The following SCN8A variants were observed in gnomAD, a reference collection of about 807,000 sequenced individuals.
The protein encoded by SCN8A is sodium channel protein type 8 subunit alpha.
A neutral mutation model predicts 184.1 loss-of-function variants in SCN8A; 30 were observed. The ratio of observed to expected loss-of-function variants is 0.16; its 90% CI spans 0.12 to 0.22. SCN8A has a LOEUF of 0.22. Among genes scored for constraint, SCN8A ranks in the 10% least tolerant of loss-of-function variants. The pLI is 1.00. For synonymous variants in SCN8A, 852 were observed against 907.0 expected (o/e 0.94, Z 1.09); for missense variants, 1,057 against 2,498.9 (o/e 0.42, Z 12.30).
intron 26 of SCN8A, among the ~76,000 whole-genome samples, chr12:51,804,330 T>A (rs1248907362): frequency 4.0e-5 from 6 of 151,630 alleles, no homozygotes; most frequent in Non-Finnish European, 4.4e-5. Context: ...CTCTTTTCTT[T>A]TTTTTTTTTT....
intron 1 of SCN8A, 129 bp from the exon 2 acceptor site, chr12:51,662,635 A>G (rs1940946420): frequency 4.9e-6 from 3 of 615,620 alleles, no homozygotes; most frequent in Non-Finnish European, 8.4e-6. Flanking sequence ...AAAAATAAGC[A>G]TGTCATGGAA....
intron 2 of SCN8A, among the ~76,000 whole-genome samples, chr12:51,679,396 T>C (rs956581052): frequency 6.6e-6 from 1 of 152,232 alleles, no homozygotes; most frequent in African/African-American, 2.4e-5. Context: ...AAGAGTAGTT[T>C]ACATTCTTAA....
chr12:51,794,269 A>G, intron 25 of SCN8A, 102 bp from the exon 26 acceptor site: 1 of 1,142,700 alleles, frequency 8.8e-7, no homozygotes, highest in African/African-American at 1.5e-5. Flanking sequence ...TATTACAGAA[A>G]AGGAGGGAGA....
intron 2 of SCN8A, among the ~76,000 whole-genome samples, chr12:51,677,056 GTTTTATTTTATTTTA>G (rs58540656): frequency 2.6e-3 from 352 of 133,170 alleles, no homozygotes; most frequent in African/African-American, 7.9e-3. Flanking sequence ...TTATTGTTTT[GTTTTATTTTATTTTA>G]TTTTATTTTA....
intron 12 of SCN8A, among the ~76,000 whole-genome samples, chr12:51,745,344 G>A (rs1942492914): frequency 1.3e-5 from 2 of 152,194 alleles, no homozygotes; most frequent in South Asian, 4.1e-4. Context: ...ATCTGGAGCA[G>A]ATCTTCAACT....
intron 2 of SCN8A, among the ~76,000 whole-genome samples, chr12:51,666,465 G>C (rs1458954858): frequency 1.3e-5 from 2 of 152,158 alleles, no homozygotes; most frequent in Non-Finnish European, 2.9e-5. Flanking sequence ...TCTTCTACAA[G>C]GAAGCACACT....
At chr12:51,790,342 C>A in intron 24 of SCN8A, 56 bp from the exon 25 acceptor site, 1 of 1,285,286 alleles carries the variant, frequency 7.8e-7, no homozygotes, top group Non-Finnish European at 1.1e-6. Context: ...TAGGTCCAAA[C>A]CCATAGCATG....
chr12:51,687,070 A>G, intron 4 of SCN8A, 21 bp from the exon 5 acceptor site: 1 of 1,612,738 alleles, frequency 6.2e-7, no homozygotes, highest in Non-Finnish European at 8.5e-7. Flanking sequence ...AATTACCTCA[A>G]GCTATTCATT....
intron 1 of SCN8A, among the ~76,000 whole-genome samples, chr12:51,637,110 G>A (rs1438854447): frequency 2.0e-5 from 3 of 151,922 alleles, no homozygotes; most frequent in Non-Finnish European, 4.4e-5. Flanking sequence ...TGTTACTATT[G>A]TAATTGTTCT....
intron 1 of SCN8A, among the ~76,000 whole-genome samples, chr12:51,605,255 C>A (rs1240315327): frequency 9.2e-5 from 14 of 152,022 alleles, no homozygotes. Flanking sequence ...AGTCTTTTAT[C>A]CCCTGCCTTC....
At chr12:51,770,943 C>T (rs1942916950) in intron 19 of SCN8A, among the ~76,000 whole-genome samples, 1 of 152,200 alleles carries the variant, frequency 6.6e-6, no homozygotes, top group Non-Finnish European at 1.5e-5. Context: ...TTAGCAGCCC[C>T]TAAAATGAAC....
At chr12:51,628,681 A>G (rs1565865173) in intron 1 of SCN8A, among the ~76,000 whole-genome samples, 3 of 152,300 alleles carry the variant, frequency 2.0e-5, no homozygotes, top group Middle Eastern at 3.4e-3. Flanking sequence ...ATTGGTGTCA[A>G]CAGGCTGGTG....
intron 2 of SCN8A, among the ~76,000 whole-genome samples, chr12:51,681,235 C>T (rs371330704): frequency 6.6e-6 from 1 of 152,140 alleles, no homozygotes; most frequent in African/African-American, 2.4e-5. Flanking sequence ...TGCCACGTTG[C>T]CACTGAACTG....
intron 1 of SCN8A, among the ~76,000 whole-genome samples, chr12:51,646,306 G>A (rs561327696): frequency 8.5e-5 from 13 of 152,200 alleles, no homozygotes; most frequent in Admixed American, 2.6e-4. Flanking sequence ...TATTTCAGGC[G>A]TTGTGGGCCA....
intron 1 of SCN8A, among the ~76,000 whole-genome samples, chr12:51,600,850 G>A (rs1939448374): frequency 6.6e-6 from 1 of 152,012 alleles, no homozygotes; most frequent in African/African-American, 2.4e-5. Flanking sequence ...TTCTCACCAC[G>A]AAAGTTACTG....
chr12:51,785,990 T>TC (rs1321564692), intron 21 of SCN8A, among the ~76,000 whole-genome samples: 6 of 152,212 alleles, frequency 3.9e-5, no homozygotes, highest in Non-Finnish European at 7.3e-5. Flanking sequence ...GCTTTTTTTT[T>TC]CTTGAGCCTG....
chr12:51,688,924 G>T, intron 5 of SCN8A, 81 bp from the exon 6 acceptor site: 1 of 1,576,536 alleles, frequency 6.3e-7, no homozygotes, highest in Non-Finnish European at 8.7e-7. Context: ...TTGTTTTGTT[G>T]TGGTTTTGTT....
intron 16 of SCN8A, 52 bp from the exon 17 acceptor site, chr12:51,768,813 C>A: frequency 1.4e-6 from 2 of 1,458,068 alleles, no homozygotes; most frequent in Middle Eastern, 1.8e-4. Flanking sequence ...ACCCTGAGTT[C>A]GATGGATAAC....
chr12:51,720,734 C>T (rs1942039373), intron 11 of SCN8A, among the ~76,000 whole-genome samples: 1 of 152,056 alleles, frequency 6.6e-6, no homozygotes, highest in Non-Finnish European at 1.5e-5. Flanking sequence ...AGGACATGTA[C>T]TTGGAGAGAA....
Sources: allele counts gnomAD v4.1 joint callset (sites outside exome capture counted in the v4.1 genomes callset), GRCh38; gene constraint gnomAD v4.1.1; transcripts MANE v1.5; gene names NCBI Gene and HGNC (gene_info 2026-07-23, HGNC 2026-07-21).